VPS13B: variants seen among roughly 807,000 people sequenced by gnomAD.
The protein encoded by VPS13B is vacuolar protein sorting 13 homolog B, also known as intermembrane lipid transfer protein VPS13B.
Under a neutral mutation model 426.4 loss-of-function variants are expected in VPS13B, and 285 were observed. The ratio of observed to expected loss-of-function variants is 0.67; its 90% CI spans 0.61 to 0.74. The LOEUF (loss-of-function observed/expected upper bound fraction) is 0.74. Among genes scored for constraint, VPS13B ranks in the 30% least tolerant of loss-of-function variants. VPS13B has a pLI of 0.00. For missense variants in VPS13B, 4,537 were observed against 4,782.6 expected (o/e 0.95, Z 1.51); for synonymous variants, 1,676 against 1,676.4 (o/e 1.00, Z 0.01).
At chr8:99,459,647 T>C (rs1818723466) in intron 23 of VPS13B, among the ~76,000 whole-genome samples, 1 of 152,182 alleles carries the variant, frequency 6.6e-6, no homozygotes, top group South Asian at 2.1e-4. Context: ...AAGTATTTTT[T>C]ATTTTATCTC....
intron 3 of VPS13B, among the ~76,000 whole-genome samples, chr8:99,090,675 T>C (rs917851632): frequency 2.9e-4 from 44 of 152,176 alleles, no homozygotes; most frequent in African/African-American, 1.0e-3. Flanking sequence ...TTTTAAATTT[T>C]TTTTTCCTGA....
intron 36 of VPS13B, among the ~76,000 whole-genome samples, chr8:99,716,884 T>C (rs1253578784): frequency 6.6e-6 from 1 of 152,160 alleles, no homozygotes; most frequent in East Asian, 1.9e-4. Flanking sequence ...CTTGAAAAAC[T>C]TGCACAATTT....
In VPS13B at chr8:99,739,824, G is replaced by A. The variant is rs563412878; in HGVS notation, c.7050+18777G>A. Among the ~76,000 whole-genome samples the A allele has an allele frequency of 3.3e-5, 5 of 152,220 alleles. No homozygotes were observed. In the South Asian group the frequency reaches 6.2e-4, roughly 19 times the overall value. ...ATCCACACCAAAACCCCATCTGTAC[G>A]TCACCAAAATCAAAGACCAAAGGTA... On this transcript the variant is annotated intron_variant, in intron 39 of 61. Coordinates refer to ENST00000357162, the MANE Select transcript of VPS13B (RefSeq NM_152564.5).
intron 3 of VPS13B, among the ~76,000 whole-genome samples, chr8:99,048,201 G>A (rs1238020720): frequency 6.6e-6 from 1 of 152,116 alleles, no homozygotes; most frequent in Admixed American, 6.5e-5. Context: ...ATTCCACTGT[G>A]GTCTGAGAGA....
intron 39 of VPS13B, among the ~76,000 whole-genome samples, chr8:99,744,882 A>T (rs552150025): frequency 1.3e-5 from 2 of 152,236 alleles, no homozygotes; most frequent in East Asian, 3.9e-4. Context: ...ATGACGAGTT[A>T]ATGGGTGCAG....
At chr8:99,343,621 A>T (rs1811370766) in intron 19 of VPS13B, among the ~76,000 whole-genome samples, 1 of 152,232 alleles carries the variant, frequency 6.6e-6, no homozygotes, top group Admixed American at 6.5e-5. Context: ...AACGTACAAA[A>T]TTAGTAGCAT....
At chr8:99,750,707 T>A (rs973810154) in intron 39 of VPS13B, among the ~76,000 whole-genome samples, 1 of 152,110 alleles carries the variant, frequency 6.6e-6, no homozygotes, top group Non-Finnish European at 1.5e-5. Flanking sequence ...AAGTTAGAGT[T>A]CTCTGTGCAC....
At chr8:99,263,421 A>G (rs1244493271) in intron 17 of VPS13B, among the ~76,000 whole-genome samples, 2 of 152,150 alleles carry the variant, frequency 1.3e-5, no homozygotes, top group African/African-American at 4.8e-5. Flanking sequence ...AGCAACACAC[A>G]TTTATTTTCT....
chr8:99,848,914 C>G lies in VPS13B; in HGVS notation c.10061+20C>G. ...CAACAGGTAGGTTTAATTATTTTCCCAGTGACAACATAGTAAGTGTTACTG... is the reference window on the plus strand; with the variant it reads ...CAACAGGTAGGTTTAATTATTTTCCGAGTGACAACATAGTAAGTGTTACTG... On this transcript the variant is annotated intron_variant, in intron 55 of 61. Transcript: ENST00000357162. The G allele has an allele frequency of 3.1e-6, 5 of 1,599,462 alleles. No individual in the cohort carries two copies. Among genetic ancestry groups the G allele is most frequent in the Non-Finnish European group, 4.3e-6 (5 of 1,166,558 alleles).
chr8:99,532,574 T>C (rs1426598782), intron 30 of VPS13B, among the ~76,000 whole-genome samples: 1 of 152,078 alleles, frequency 6.6e-6, no homozygotes, highest in East Asian at 1.9e-4. Flanking sequence ...AGAATTTGTT[T>C]TCCATCTGCT....
intron 31 of VPS13B, among the ~76,000 whole-genome samples, chr8:99,573,511 T>C (rs1825598555): frequency 6.6e-6 from 1 of 152,244 alleles, no homozygotes; most frequent in African/African-American, 2.4e-5. Flanking sequence ...TTCAGCTTTC[T>C]ACATATGGCT....
chr8:99,318,200 C>G lies in VPS13B; in HGVS notation c.2824+42946C>G, dbSNP rs144722188. On this transcript the variant is annotated intron_variant, in intron 19 of 61. Coordinates refer to ENST00000357162, the MANE Select transcript of VPS13B (RefSeq NM_152564.5). ...ACAACCAAAAGACTATTTTGAGTAG[C>G]AAGCATTCATAAAATGGTTGATGTG... Among the ~76,000 whole-genome samples, 655 of 152,236 alleles carry G rather than the reference C, an allele frequency of 4.3e-3. 6 individuals carry two copies. The highest frequency in any genetic ancestry group is 7.0e-3 in the Non-Finnish European group (478 of 68,004).
At chr8:99,116,442 A>G (rs1234099705) in intron 7 of VPS13B, among the ~76,000 whole-genome samples, 1 of 151,992 alleles carries the variant, frequency 6.6e-6, no homozygotes, top group East Asian at 1.9e-4. Context: ...TGTACTACTT[A>G]TTTATTTATG....
chr8:99,244,358 A>G (rs1347466900), intron 17 of VPS13B, among the ~76,000 whole-genome samples: 2 of 152,242 alleles, frequency 1.3e-5, no homozygotes, highest in African/African-American at 4.8e-5. Flanking sequence ...AACCCTGAAC[A>G]GTCCAGTTTT....
chr8:99,537,621 C>T (rs556519389), intron 30 of VPS13B, among the ~76,000 whole-genome samples: 5 of 152,250 alleles, frequency 3.3e-5, no homozygotes, highest in African/African-American at 1.2e-4. Flanking sequence ...TTGCAGTATC[C>T]GAGAGCTCTT....
intron 39 of VPS13B, among the ~76,000 whole-genome samples, chr8:99,738,176 A>T: frequency 6.6e-6 from 1 of 152,246 alleles, no homozygotes; most frequent in East Asian, 1.9e-4. Context: ...TTGATTGAAA[A>T]TTATTCAGCG....
chr8:99,162,895 TA>T (rs1811752062), intron 15 of VPS13B, among the ~76,000 whole-genome samples: 2 of 152,128 alleles, frequency 1.3e-5, no homozygotes, highest in Non-Finnish European at 2.9e-5. Context: ...TGCTGATTGG[TA>T]GAGCTGAGTG....
intron 3 of VPS13B, among the ~76,000 whole-genome samples, chr8:99,059,940 T>A (rs1844089982): frequency 6.6e-6 from 1 of 151,956 alleles, no homozygotes; most frequent in African/African-American, 2.4e-5. Context: ...TTCAGCACAT[T>A]GGCCAGGATG....
Position 99,756,812 on chromosome 8 carries a change from A to G in VPS13B, c.7051-9962A>G, listed in dbSNP as rs1810663993. On this transcript the variant is annotated intron_variant, in intron 39 of 61. Transcript: ENST00000357162. ...TATTGCTTCCTAAGAACCCACTTTAAAGAAAGTGGAACTGGAAATTGTAAA... is the reference window on the plus strand; with the variant it reads ...TATTGCTTCCTAAGAACCCACTTTAGAGAAAGTGGAACTGGAAATTGTAAA... 2.0e-5 allele frequency among the ~76,000 whole-genome samples: 3 copies of G among 152,216 alleles called. No individual in the cohort carries two copies. In the South Asian group the frequency reaches 6.2e-4, roughly 32 times the overall value.
Sources: allele counts gnomAD v4.1 joint callset (sites outside exome capture counted in the v4.1 genomes callset), GRCh38; gene constraint gnomAD v4.1.1; transcripts MANE v1.5; gene names NCBI Gene and HGNC (gene_info 2026-07-23, HGNC 2026-07-21).